FRMD4A: variants seen among roughly 807,000 people sequenced by gnomAD.
FRMD4A encodes the protein FERM domain-containing protein 4A.
Under a neutral mutation model 129.1 loss-of-function variants are expected in FRMD4A, and 29 were observed. The ratio of observed to expected loss-of-function variants is 0.22; its 90% confidence interval spans 0.17 to 0.31. FRMD4A has a LOEUF of 0.31. FRMD4A is among the 10% of genes least tolerant of loss of function. The pLI is 1.00. For synonymous variants in FRMD4A, 634 were observed against 571.6 expected, an observed-to-expected ratio of 1.11 and a Z score of -1.56; for missense variants, 1,272 against 1,375.8, an observed-to-expected ratio of 0.92 and a Z score of 1.19.
At chr10:13,731,333 G>T (rs7906285) in intron 12 of FRMD4A, among the ~76,000 whole-genome samples, 8,887 of 152,134 alleles carry the variant, frequency 0.058, 882 homozygotes, top group African/African-American at 0.2. Context: ...CTGATGACGG[G>T]ACATTTAATG....
intron 2 of FRMD4A, among the ~76,000 whole-genome samples, chr10:14,181,776 G>T (rs771753628): frequency 6.6e-6 from 1 of 151,922 alleles, no homozygotes; most frequent in Non-Finnish European, 1.5e-5. Context: ...CTGCAACCTC[G>T]GCTTCCTAAG....
chr10:13,769,602 G>A (rs1416302373), intron 6 of FRMD4A, among the ~76,000 whole-genome samples: 1 of 152,128 alleles, frequency 6.6e-6, no homozygotes, highest in Non-Finnish European at 1.5e-5. Context: ...GAGCCACTGT[G>A]TCCGGCCCCG....
At chr10:14,110,242 T>A (rs985759336) in intron 2 of FRMD4A, among the ~76,000 whole-genome samples, 11 of 150,786 alleles carry the variant, frequency 7.3e-5, no homozygotes, top group Admixed American at 4.0e-4. Context: ...CACAAACTGC[T>A]GTCCAATATA....
At chr10:14,130,496 G>A (rs555654522) in intron 2 of FRMD4A, among the ~76,000 whole-genome samples, 4 of 152,036 alleles carry the variant, frequency 2.6e-5, no homozygotes, top group Non-Finnish European at 4.4e-5. Context: ...AACAATCCTC[G>A]CACCCCGGCC....
At chr10:13,924,750 C>T (rs935797568) in intron 2 of FRMD4A, among the ~76,000 whole-genome samples, 3 of 151,998 alleles carry the variant, frequency 2.0e-5, no homozygotes, top group African/African-American at 7.2e-5. Context: ...CGGCGTTATC[C>T]CTGATGTTTA....
chr10:14,155,807 C>T (rs972800460), intron 2 of FRMD4A, among the ~76,000 whole-genome samples: 5 of 152,132 alleles, frequency 3.3e-5, no homozygotes, highest in Admixed American at 6.6e-5. Flanking sequence ...ATTTTCAGAA[C>T]GCAATAAAAC....
intron 2 of FRMD4A, among the ~76,000 whole-genome samples, chr10:13,903,497 G>A (rs2094844192): frequency 6.6e-6 from 1 of 152,176 alleles, no homozygotes; most frequent in African/African-American, 2.4e-5. Flanking sequence ...GGAAGGTGAA[G>A]GCAGGAGGAT....
chr10:14,329,699 A>G (rs1305496436), intron 2 of FRMD4A, among the ~76,000 whole-genome samples: 2 of 152,176 alleles, frequency 1.3e-5, no homozygotes, highest in Non-Finnish European at 2.9e-5. Flanking sequence ...AAGATATCCA[A>G]AAACAAACAC....
At position 13,707,241 on chromosome 10, in the gene FRMD4A, C is replaced by T. The variant is rs181595458; in HGVS notation, c.760-128G>A. 880 of 781,186 alleles carry T rather than the reference C, an allele frequency of 1.1e-3. 2 individuals are homozygous for T. Among genetic ancestry groups the T allele is most frequent in the Admixed American group, 2.3e-3 (93 of 40,774 alleles). The allele number at this position is 781,186 out of a possible 1,614,324, so 48.4% of individuals were successfully genotyped here. On this transcript the variant is annotated intron_variant, in intron 12 of 24. Transcript: ENST00000357447. Reference sequence around the variant, plus strand: ...AAAACAGAGACCGTAGTCTGTGCCTCCTCCGCCTCTTGCTTGACACACACA... The same window carrying T: ...AAAACAGAGACCGTAGTCTGTGCCTTCTCCGCCTCTTGCTTGACACACACA...
At chr10:14,302,870 T>C (rs1443439672) in intron 2 of FRMD4A, among the ~76,000 whole-genome samples, 1 of 152,136 alleles carries the variant, frequency 6.6e-6, no homozygotes, top group African/African-American at 2.4e-5. Context: ...CTAAGCCCTA[T>C]ATCAAGGCAG....
rs1564525257 is a variant in FRMD4A at position 13,656,705 on chromosome 10, A to AGGT, written c.2881_2883dup (p.Thr961dup). The AGGT allele has an allele frequency of 6.3e-7, 1 of 1,576,356 alleles. No homozygotes were observed. The highest frequency in any genetic ancestry group is 8.6e-7 in the Non-Finnish European group (1 of 1,161,970). ...TGCGCCACGAAGGTGCTCTGGGAGG[A>AGGT]GGTGCTGTACTGCGAGCCGCTGTCC... is the stretch of plus-strand genomic sequence containing the variant. On this transcript the variant is annotated inframe_insertion, in exon 22 of 25. Coordinates refer to ENST00000357447, the MANE Select transcript of FRMD4A (RefSeq NM_018027.5).
chr10:14,053,509 C>T (rs986762084), intron 2 of FRMD4A, among the ~76,000 whole-genome samples: 3 of 152,226 alleles, frequency 2.0e-5, no homozygotes, highest in Non-Finnish European at 1.5e-5. Flanking sequence ...ATGCCCTTCA[C>T]CTCCCTAGAA....
intron 2 of FRMD4A, among the ~76,000 whole-genome samples, chr10:14,268,058 A>G (rs1343013252): frequency 6.6e-6 from 1 of 152,254 alleles, no homozygotes; most frequent in Non-Finnish European, 1.5e-5. Flanking sequence ...CAAATGGGAT[A>G]GTATATGCCA....
intron 2 of FRMD4A, among the ~76,000 whole-genome samples, chr10:14,117,107 A>G (rs147344919): frequency 2.5e-4 from 38 of 152,346 alleles, no homozygotes; most frequent in African/African-American, 9.1e-4. Context: ...TACCTAAGGT[A>G]GCTGATTCCT....
intron 6 of FRMD4A, among the ~76,000 whole-genome samples, chr10:13,764,807 G>C (rs1227195168): frequency 6.6e-6 from 1 of 152,158 alleles, no homozygotes; most frequent in Non-Finnish European, 1.5e-5. Flanking sequence ...AGAGCTAGAG[G>C]TAAAAGAGAT....
At chr10:14,326,588 C>G (rs1375904780) in intron 2 of FRMD4A, 3 of 362,758 alleles carry the variant, frequency 8.3e-6, no homozygotes, top group Non-Finnish European at 1.5e-5. Flanking sequence ...CCATTAAAAA[C>G]TATTTTAATC....
intron 2 of FRMD4A, among the ~76,000 whole-genome samples, chr10:14,081,138 TA>T (rs1306291035): frequency 6.6e-6 from 1 of 152,138 alleles, no homozygotes; most frequent in Non-Finnish European, 1.5e-5. Flanking sequence ...TGGTAGAGTT[TA>T]ATAAACTCTC....
chr10:14,040,719 GAAACCAT>G (rs1241071732), intron 2 of FRMD4A, among the ~76,000 whole-genome samples: 1 of 148,526 alleles, frequency 6.7e-6, no homozygotes, highest in East Asian at 2.3e-4. Context: ...GTACTCCTCA[GAAACCAT>G]AGACTGTCTC....
At chr10:14,241,683 TAAAA>T (rs71388168) in intron 2 of FRMD4A, among the ~76,000 whole-genome samples, 23 of 23,412 alleles carry the variant, frequency 9.8e-4, no homozygotes, top group African/African-American at 2.1e-3. Context: ...TTACCCTCCC[TAAAA>T]AAAAAAAAAA....
Sources: gnomAD v4.1 joint callset for allele counts (sites outside exome capture counted in the v4.1 genomes callset) on GRCh38, gnomAD v4.1.1 for gene constraint, MANE v1.5 for transcripts, NCBI Gene and HGNC (gene_info 2026-07-23, HGNC 2026-07-21) for gene names.